The following PAQR5 variants were observed in gnomAD, a reference collection of about 807,000 sequenced individuals.
PAQR5 encodes progestin and adipoQ receptor family member 5.
A neutral mutation model predicts 34.5 loss-of-function variants in PAQR5; 20 were observed. The observed-to-expected ratio is 0.58, with a 90% CI of 0.41 to 0.84. The LOEUF (loss-of-function observed/expected upper bound fraction) is 0.84. Among genes scored for constraint, PAQR5 ranks in the 40% least tolerant of loss-of-function variants. The pLI, the probability that PAQR5 is intolerant of heterozygous loss-of-function variation, is 0.00. For synonymous variants in PAQR5, 131 were observed against 155.6 expected (o/e 0.84, Z 1.18); for missense variants, 378 against 412.7 (o/e 0.92, Z 0.73).
chr15:69,395,221 A>T (rs1182141834), intron 6 of PAQR5, among the ~76,000 whole-genome samples: 1 of 152,150 alleles, frequency 6.6e-6, no homozygotes, highest in Admixed American at 6.5e-5. Context: ...TCGGGATAGC[A>T]GGAGTGTGTG....
At chr15:69,378,055 G>A (rs543632496) in intron 3 of PAQR5, among the ~76,000 whole-genome samples, 2 of 152,020 alleles carry the variant, frequency 1.3e-5, no homozygotes, top group African/African-American at 4.8e-5. Flanking sequence ...TTAAGGTCAG[G>A]AGTTTGAGAC....
intron 2 of PAQR5, among the ~76,000 whole-genome samples, chr15:69,354,291 T>C (rs186347819): frequency 3.3e-5 from 5 of 152,320 alleles, no homozygotes; most frequent in Admixed American, 6.5e-5. Context: ...ACTGTAATTG[T>C]CATGAGTATT....
rs1567032627 is a variant in PAQR5, at chr15:69,382,706, GTATGTA to G, written c.180-1969_180-1964del. The G allele has an allele frequency of 4.1e-5, 4 of 98,752 alleles. No homozygotes were observed. In the Admixed American group the frequency reaches 4.3e-4, roughly 11 times the overall value. The allele number at this position is 98,752 out of a possible 1,614,324, so 6.1% of individuals were successfully genotyped here. A position where few individuals can be genotyped will look rare whatever the true frequency, so the allele number is the denominator to read the frequency against. On this transcript the variant is annotated intron_variant, in intron 4 of 8. Transcript: ENST00000395407. ...TATATATATATATATATATATATATGTATGTATGTATATATGTATGTATATGTGTAT... is the reference window on the plus strand; with the variant it reads ...TATATATATATATATATATATATATGTGTATATATGTATGTATATGTGTAT...
chr15:69,359,506 G>A (rs1276722183), intron 2 of PAQR5, among the ~76,000 whole-genome samples: 1 of 151,882 alleles, frequency 6.6e-6, no homozygotes, highest in African/African-American at 2.4e-5. Flanking sequence ...TCGAGCAGGG[G>A]GTATGTAACT....
intron 4 of PAQR5, among the ~76,000 whole-genome samples, chr15:69,381,342 G>A (rs1206851551): frequency 6.6e-6 from 1 of 152,174 alleles, no homozygotes; most frequent in African/African-American, 2.4e-5. Context: ...TTTCCCTGCT[G>A]CCTTCCTCTT....
At chr15:69,338,833 T>G (rs765691246) in intron 2 of PAQR5, among the ~76,000 whole-genome samples, 6 of 152,244 alleles carry the variant, frequency 3.9e-5, no homozygotes, top group Non-Finnish European at 5.9e-5. Flanking sequence ...TTGTAGTTTA[T>G]AGTTTAAACA....
intron 3 of PAQR5, among the ~76,000 whole-genome samples, chr15:69,367,877 A>G (rs1339471478): frequency 3.3e-5 from 5 of 152,118 alleles, no homozygotes; most frequent in Non-Finnish European, 7.3e-5. Flanking sequence ...AGTTGTCCCA[A>G]ATGGGAAAAG....
intron 4 of PAQR5, among the ~76,000 whole-genome samples, chr15:69,381,922 G>C (rs2055894409): frequency 6.6e-6 from 1 of 152,322 alleles, no homozygotes; most frequent in African/African-American, 2.4e-5. Flanking sequence ...GAGAAAGGGA[G>C]CCAGCTCTCT....
intron 1 of PAQR5, among the ~76,000 whole-genome samples, chr15:69,311,026 A>G (rs1324018307): frequency 6.1e-5 from 8 of 131,912 alleles, no homozygotes; most frequent in South Asian, 2.9e-4. Flanking sequence ...GCAACAGAGC[A>G]AGACTCCGTC....
chr15:69,337,967 C>T (rs1335197635), intron 2 of PAQR5, among the ~76,000 whole-genome samples: 2 of 152,088 alleles, frequency 1.3e-5, no homozygotes, highest in Admixed American at 1.3e-4. Context: ...GTCCCAGTTA[C>T]TTGGGAAGCT....
At chr15:69,304,866 C>T (rs1260927557) in intron 1 of PAQR5, among the ~76,000 whole-genome samples, 1 of 152,190 alleles carries the variant, frequency 6.6e-6, no homozygotes, top group Non-Finnish European at 1.5e-5. Flanking sequence ...ACCCCAGAGT[C>T]CCAAATTCAG....
intron 1 of PAQR5, among the ~76,000 whole-genome samples, chr15:69,306,927 G>T: frequency 6.6e-6 from 1 of 152,024 alleles, no homozygotes; most frequent in Non-Finnish European, 1.5e-5. Context: ...TCCTGTAAGT[G>T]GAATCATGCT....
intron 3 of PAQR5, among the ~76,000 whole-genome samples, chr15:69,364,558 C>CATTATATATGTTATATATACATTATATAT (rs1221155896): frequency 8.8e-6 from 1 of 114,004 alleles, no homozygotes; most frequent in African/African-American, 4.4e-5. Context: ...ATATATATAA[C>CATTATATATGTTATATATACATTATATAT]GAGTTGTGAT....
In PAQR5 at chr15:69,339,171, C is replaced by CT. The variant is rs924957899; in HGVS notation, c.-116+1670_-116+1671insT. ...CACCACTCCTGGCCCACTGGCTACA[C>CT]CCCCCACCCCGCCACCAAGTTATCC... is the stretch of plus-strand genomic sequence containing the variant. On this transcript the variant is annotated intron_variant, in intron 2 of 8. Coordinates refer to ENST00000395407, the MANE Select transcript of PAQR5 (RefSeq NM_017705.4). Among the ~76,000 whole-genome samples the CT allele has an allele frequency of 1.4e-3, 205 of 144,978 alleles. 11 individuals carry two copies. The highest frequency in any genetic ancestry group is 1.9e-3 in the Non-Finnish European group (122 of 64,244).
At chr15:69,380,997 C>T (rs865986623) in intron 4 of PAQR5, among the ~76,000 whole-genome samples, 1 of 152,174 alleles carries the variant, frequency 6.6e-6, no homozygotes, top group Non-Finnish European at 1.5e-5. Flanking sequence ...AATGCAGGGG[C>T]AGGCTGTTTG....
chr15:69,319,405 C>T (rs560724916), intron 1 of PAQR5, among the ~76,000 whole-genome samples: 6 of 151,304 alleles, frequency 4.0e-5, no homozygotes, highest in African/African-American at 7.3e-5. Context: ...GTCTCCCAAA[C>T]GGATTCTAGG....
rs945708650 is a variant in PAQR5 at position 69,379,451 on chromosome 15, T to C, written c.52-432T>C. ...ATATATCCTGGCACCGGGGGCATCTTCTGCAGAGTTCTTCCCACCAGCCCC... is the reference window on the plus strand; with the variant it reads ...ATATATCCTGGCACCGGGGGCATCTCCTGCAGAGTTCTTCCCACCAGCCCC... On this transcript the variant is annotated intron_variant, in intron 3 of 8. Coordinates refer to ENST00000395407, the MANE Select transcript of PAQR5 (RefSeq NM_017705.4). 17 of 985,312 alleles carry C rather than the reference T, an allele frequency of 1.7e-5. No individual in the cohort carries two copies. In the African/African-American group the frequency reaches 2.6e-4, roughly 15 times the overall value. The allele number at this position is 985,312 out of a possible 1,614,324, so 61.0% of individuals were successfully genotyped here.
At chr15:69,299,520 G>T (rs1421343986) in intron 1 of PAQR5, among the ~76,000 whole-genome samples, 2 of 152,356 alleles carry the variant, frequency 1.3e-5, no homozygotes, top group South Asian at 2.1e-4. Context: ...GGCTGAGCAG[G>T]ACCGTGTGGG....
At position 69,384,731 on chromosome 15, in the gene PAQR5, C is replaced by T. The variant is rs933432685; in HGVS notation, c.234C>T (p.Asp78=). The change falls in exon 5 of 9, where the codon GAC becomes GAT. Residue 78 remains aspartate (D), a synonymous_variant. Transcript: ENST00000395407. ...TALYMTDIKN[D]SYSWPMLVYM... ...TGTATATGACAGACATCAAGAATGA[C>T]AGCTACTCCTGGCCCATGCTTGTGT... The T allele has an allele frequency of 1.2e-6, 2 of 1,613,918 alleles. No individual in the cohort carries two copies. Among genetic ancestry groups the T allele is most frequent in the Non-Finnish European group, 1.7e-6 (2 of 1,179,938 alleles).
Sources: allele counts gnomAD v4.1 joint callset (sites outside exome capture counted in the v4.1 genomes callset), GRCh38; gene constraint gnomAD v4.1.1; transcripts MANE v1.5; gene names NCBI Gene and HGNC (gene_info 2026-07-23, HGNC 2026-07-21).